NCKAP5: variants seen among roughly 807,000 people sequenced by gnomAD.
NCKAP5 encodes the protein NCK associated protein 5, also known as nck-associated protein 5.
NCKAP5 carries 92 observed loss-of-function variants against 167.0 expected under a neutral mutation model. The observed-to-expected ratio is 0.55, with a 90% CI of 0.47 to 0.66. The LOEUF is 0.66. NCKAP5 is among the 30% of genes least tolerant of loss of function. NCKAP5 has a pLI of 0.00. For synonymous variants in NCKAP5, 891 were observed against 877.4 expected (o/e 1.02, Z -0.27); for missense variants, 2,378 against 2,315.0 (o/e 1.03, Z -0.56).
chr2:133,579,632 A>G, the NCKAP5 span, among the ~76,000 whole-genome samples: 1 of 152,214 alleles, frequency 6.6e-6, no homozygotes, highest in Non-Finnish European at 1.5e-5. Flanking sequence ...GAATGCAGAC[A>G]GGTTTTGACA....
At chr2:133,558,588 A>G (rs182310576) in intron 2 of NCKAP5, among the ~76,000 whole-genome samples, 2 of 151,542 alleles carry the variant, frequency 1.3e-5, no homozygotes, top group African/African-American at 2.4e-5. Context: ...CTTCTACTCT[A>G]CTTCAAATTA....
the NCKAP5 span, among the ~76,000 whole-genome samples, chr2:133,601,072 C>A: frequency 6.6e-6 from 1 of 152,316 alleles, no homozygotes; most frequent in East Asian, 1.9e-4. Context: ...GTCTTTACGG[C>A]GCCTTGTCCT....
intron 3 of NCKAP5, among the ~76,000 whole-genome samples, chr2:133,437,575 C>G (rs1690571056): frequency 6.6e-6 from 1 of 152,262 alleles, no homozygotes; most frequent in East Asian, 1.9e-4. Flanking sequence ...TCCCGAGGCC[C>G]TACTGATGTT....
At chr2:133,215,325 A>G (rs1453996317) in intron 4 of NCKAP5, among the ~76,000 whole-genome samples, 1 of 152,242 alleles carries the variant, frequency 6.6e-6, no homozygotes, top group Non-Finnish European at 1.5e-5. Flanking sequence ...TTCTGTTTTA[A>G]TATGAAAATT....
intron 2 of NCKAP5, among the ~76,000 whole-genome samples, chr2:133,525,208 G>A (rs1017172354): frequency 1.3e-5 from 2 of 152,158 alleles, no homozygotes; most frequent in Admixed American, 1.3e-4. Context: ...TTAGTGGCTG[G>A]AAATAGTCTC....
the NCKAP5 span, among the ~76,000 whole-genome samples, chr2:133,603,836 C>T: frequency 3.9e-5 from 6 of 152,350 alleles, no homozygotes; most frequent in East Asian, 5.8e-4. Context: ...CGCTCCCAGC[C>T]GGCATGAGGG....
At chr2:133,210,896 T>C (rs1475674303) in intron 5 of NCKAP5, among the ~76,000 whole-genome samples, 1 of 152,172 alleles carries the variant, frequency 6.6e-6, no homozygotes, top group Non-Finnish European at 1.5e-5. Flanking sequence ...CACTTAATAC[T>C]TAGGCCTTGT....
chr2:132,918,576 A>C (rs1339739696), intron 8 of NCKAP5, among the ~76,000 whole-genome samples: 1 of 152,210 alleles, frequency 6.6e-6, no homozygotes, highest in Non-Finnish European at 1.5e-5. Flanking sequence ...AATGATTATA[A>C]TGATGATGAC....
intron 8 of NCKAP5, among the ~76,000 whole-genome samples, chr2:132,948,016 C>A (rs1038471392): frequency 6.6e-6 from 1 of 152,192 alleles, no homozygotes; most frequent in Admixed American, 6.5e-5. Context: ...TCTGAACCAA[C>A]TTCTCAGCAT....
chr2:132,882,339 C>T (rs545351904), intron 8 of NCKAP5, among the ~76,000 whole-genome samples: 15 of 152,174 alleles, frequency 9.9e-5, no homozygotes, highest in Admixed American at 7.9e-4. Flanking sequence ...AAGGATTTTT[C>T]CACACTCCTA....
chr2:132,977,330 A>G (rs987195416), intron 7 of NCKAP5, among the ~76,000 whole-genome samples: 1 of 152,210 alleles, frequency 6.6e-6, no homozygotes, highest in African/African-American at 2.4e-5. Context: ...GGCACCATAG[A>G]CATAAAGCAA....
At chr2:133,222,678 G>T (rs890175994) in intron 4 of NCKAP5, among the ~76,000 whole-genome samples, 3 of 149,014 alleles carry the variant, frequency 2.0e-5, no homozygotes, top group African/African-American at 7.3e-5. Flanking sequence ...GCCCCCGGAG[G>T]CTCCTGGTCA....
intron 5 of NCKAP5, among the ~76,000 whole-genome samples, chr2:133,170,907 A>AAC (rs1418478646): frequency 6.6e-6 from 1 of 152,174 alleles, no homozygotes; most frequent in East Asian, 1.9e-4. Context: ...TCCTCTTTAA[A>AAC]ACACAACCTT....
intron 16 of NCKAP5, among the ~76,000 whole-genome samples, chr2:132,754,717 C>A (rs551528934): frequency 6.6e-6 from 1 of 152,180 alleles, no homozygotes; most frequent in Non-Finnish European, 1.5e-5. Context: ...TACTAAGGCA[C>A]GTAAATTCTT....
chr2:132,723,081 C>T (rs374172232), intron 19 of NCKAP5, among the ~76,000 whole-genome samples: 3 of 151,870 alleles, frequency 2.0e-5, no homozygotes, highest in African/African-American at 4.8e-5. Context: ...CTTGCCTTAC[C>T]GTCCCGAAGT....
intron 8 of NCKAP5, among the ~76,000 whole-genome samples, chr2:132,961,356 T>A (rs1429824749): frequency 5.3e-5 from 8 of 150,340 alleles, no homozygotes; most frequent in African/African-American, 2.0e-4. Flanking sequence ...AAACATATAT[T>A]TGTATTTCTT....
intron 8 of NCKAP5, among the ~76,000 whole-genome samples, chr2:132,919,214 G>A (rs1331608986): frequency 6.6e-6 from 1 of 152,152 alleles, no homozygotes; most frequent in African/African-American, 2.4e-5. Context: ...TTGGTCTGGG[G>A]GATGGAGAAG....
intron 2 of NCKAP5, among the ~76,000 whole-genome samples, chr2:133,555,634 T>C (rs1367794257): frequency 6.6e-6 from 1 of 152,248 alleles, no homozygotes; most frequent in Non-Finnish European, 1.5e-5. Flanking sequence ...TGCTGCTTTC[T>C]TGAGTAAATT....
chr2:133,294,708 G>C (rs1679840824), intron 4 of NCKAP5, among the ~76,000 whole-genome samples: 1 of 152,152 alleles, frequency 6.6e-6, no homozygotes, highest in Non-Finnish European at 1.5e-5. Flanking sequence ...ACTCTACTTA[G>C]TTAAGACATA....
Sources: allele counts gnomAD v4.1 joint callset (sites outside exome capture counted in the v4.1 genomes callset), GRCh38; gene constraint gnomAD v4.1.1; transcripts MANE v1.5; gene names NCBI Gene and HGNC (gene_info 2026-07-23, HGNC 2026-07-21).